Variants in RTN4 observed in about 807,000 individuals in gnomAD.
The protein encoded by RTN4 is reticulon-4.
RTN4 carries 32 observed loss-of-function variants against 90.4 expected under a neutral mutation model. The ratio of observed to expected loss-of-function variants is 0.35; its 90% CI spans 0.27 to 0.48. RTN4 has a LOEUF of 0.48. Among genes scored for constraint, RTN4 ranks in the 20% least tolerant of loss-of-function variants. The probability of loss-of-function intolerance (pLI) is 0.99; values close to 1 mark genes in which losing one functional copy is unlikely to be tolerated. For synonymous variants in RTN4, 629 were observed against 552.5 expected (o/e 1.14, Z -1.94); for missense variants, 1,706 against 1,430.2 (o/e 1.19, Z -3.11).
intron 1 of RTN4, among the ~76,000 whole-genome samples, chr2:55,089,582 A>G (rs1668901375): frequency 2.0e-5 from 3 of 152,244 alleles, no homozygotes; most frequent in Admixed American, 2.0e-4. Context: ...CTTAAAATTC[A>G]GCGTTTAAGG....
chr2:55,132,261 G>C, the RTN4 span, among the ~76,000 whole-genome samples: 3 of 152,196 alleles, frequency 2.0e-5, no homozygotes, highest in African/African-American at 7.2e-5. Flanking sequence ...CCAGCACTTT[G>C]GGAGGCTGAG....
intron 3 of RTN4, among the ~76,000 whole-genome samples, chr2:54,992,434 A>G (rs900918610): frequency 1.3e-5 from 2 of 152,240 alleles, no homozygotes; most frequent in East Asian, 3.8e-4. Flanking sequence ...AAGGCCAAGA[A>G]GAAAAGCTAA....
At chr2:54,984,919 GAC>G (rs1052344672) in intron 4 of RTN4, among the ~76,000 whole-genome samples, 47 of 152,236 alleles carry the variant, frequency 3.1e-4, no homozygotes, top group African/African-American at 1.1e-3. Context: ...TAGCCTGGGC[GAC>G]ACAGTGAGAC....
intron 3 of RTN4, among the ~76,000 whole-genome samples, chr2:55,001,364 G>T (rs913015331): frequency 1.3e-5 from 2 of 152,122 alleles, no homozygotes; most frequent in African/African-American, 2.4e-5. Flanking sequence ...AAAAATATGC[G>T]TCTCTAGCTC....
chr2:55,054,051 C>T (rs1267866883), upstream of RTN4, among the ~76,000 whole-genome samples: 1 of 152,116 alleles, frequency 6.6e-6, no homozygotes, highest in East Asian at 1.9e-4. Flanking sequence ...AGGGTGACCA[C>T]TATGCAATCA....
At chr2:55,131,195 C>T in the RTN4 span, among the ~76,000 whole-genome samples, 2 of 147,102 alleles carry the variant, frequency 1.4e-5, no homozygotes, top group Non-Finnish European at 3.0e-5. Context: ...CTCCTTTTAA[C>T]AAGTTTTGTT....
At chr2:55,062,751 CTTTG>C (rs959576462) in intron 2 of RTN4, among the ~76,000 whole-genome samples, 9 of 152,130 alleles carry the variant, frequency 5.9e-5, no homozygotes, top group African/African-American at 2.2e-4. Context: ...TTTTGTTTTG[CTTTG>C]TTTGGCACCT....
At chr2:55,090,215 G>C (rs747597036) in intron 1 of RTN4, among the ~76,000 whole-genome samples, 1 of 152,178 alleles carries the variant, frequency 6.6e-6, no homozygotes, top group Non-Finnish European at 1.5e-5. Context: ...TCTGCGAATA[G>C]GAGGTATGAT....
chr2:54,973,174 C>T lies in RTN4; in HGVS notation c.3561G>A (p.Leu1187=). 1 of 1,604,836 alleles carries T rather than the reference C, an allele frequency of 6.2e-7. No homozygotes were observed. The highest frequency in any genetic ancestry group is 1.1e-5 in the South Asian group (1 of 90,452). Reference sequence around the variant, plus strand: ...GGCGTTTTCATTCAGCTTTGCGCTTCAATCCAGGGATTTTTGCTTGGATTC... The same window carrying T: ...GGCGTTTTCATTCAGCTTTGCGCTTTAATCCAGGGATTTTTGCTTGGATTC... ...MAKIQAKIPG[L]KRKAE The change falls in exon 9 of 9, where the codon TTG becomes TTA. Residue 1187 remains leucine, a synonymous_variant. Coordinates refer to ENST00000337526, the MANE Select transcript of RTN4 (RefSeq NM_020532.5).
chr2:55,095,670 C>A (rs1355367634), intron 1 of RTN4, among the ~76,000 whole-genome samples: 1 of 152,222 alleles, frequency 6.6e-6, no homozygotes, highest in East Asian at 1.9e-4. Flanking sequence ...CCCTAAATAG[C>A]TGGGACTATA....
At chr2:54,996,568 A>C (rs1484444489) in intron 3 of RTN4, among the ~76,000 whole-genome samples, 4 of 152,214 alleles carry the variant, frequency 2.6e-5, no homozygotes, top group African/African-American at 9.6e-5. Context: ...CAAGGGTGCC[A>C]AGGCAACTCA....
intron 1 of RTN4, among the ~76,000 whole-genome samples, chr2:55,041,245 A>T (rs909359536): frequency 2.8e-4 from 42 of 152,120 alleles, no homozygotes; most frequent in African/African-American, 1.0e-3. Context: ...TATATGCTAA[A>T]TTTTTTTTAA....
At chr2:54,994,936 C>T (rs1679298382) in intron 3 of RTN4, among the ~76,000 whole-genome samples, 2 of 152,104 alleles carry the variant, frequency 1.3e-5, no homozygotes, top group African/African-American at 4.8e-5. Context: ...TTTCTGGTCA[C>T]AAAAACATCA....
At chr2:55,024,976 A>T in intron 3 of RTN4, 110 bp downstream of exon 3, 1 of 1,299,168 alleles carries the variant, frequency 7.7e-7, no homozygotes, top group South Asian at 1.5e-5. Context: ...CTTCTTACCA[A>T]TGTGACATAT....
intron 5 of RTN4, among the ~76,000 whole-genome samples, chr2:54,982,064 C>G (rs1384290887): frequency 6.6e-6 from 1 of 152,038 alleles, no homozygotes; most frequent in Non-Finnish European, 1.5e-5. Flanking sequence ...AAGCGATTCT[C>G]CTGTGCCTCA....
the RTN4 span, among the ~76,000 whole-genome samples, chr2:55,125,498 G>T: frequency 1.3e-5 from 2 of 152,348 alleles, no homozygotes; most frequent in South Asian, 4.1e-4. Flanking sequence ...GGGTGCGGTG[G>T]CTCACGCCCA....
At chr2:55,058,819 A>G (rs1204882027) in intron 2 of RTN4, among the ~76,000 whole-genome samples, 2 of 152,320 alleles carry the variant, frequency 1.3e-5, no homozygotes, top group African/African-American at 2.4e-5. Flanking sequence ...TACATTGTAC[A>G]GTCAAAAATG....
the RTN4 span, among the ~76,000 whole-genome samples, chr2:55,126,477 T>C: frequency 2.0e-5 from 3 of 151,942 alleles, no homozygotes; most frequent in Admixed American, 6.6e-5. Flanking sequence ...CACAAGGAGA[T>C]ACCATCTCAC....
intron 1 of RTN4, among the ~76,000 whole-genome samples, chr2:55,112,025 G>T (rs534296019): frequency 2.0e-5 from 3 of 152,252 alleles, no homozygotes; most frequent in Admixed American, 1.3e-4. Flanking sequence ...ACACTCAAGA[G>T]GAAGCAACCA....
Sources: gnomAD v4.1 joint callset for allele counts (sites outside exome capture counted in the v4.1 genomes callset) on GRCh38, gnomAD v4.1.1 for gene constraint, MANE v1.5 for transcripts, NCBI Gene and HGNC (gene_info 2026-07-23, HGNC 2026-07-21) for gene names.